The following TTC7A variants were observed in gnomAD, a reference collection of about 807,000 sequenced individuals.
TTC7A encodes tetratricopeptide repeat domain 7A, also known as tetratricopeptide repeat protein 7A.
TTC7A carries 110 observed loss-of-function variants against 103.7 expected under a neutral mutation model. The observed-to-expected ratio is 1.06, with a 90% CI of 0.91 to 1.24. The LOEUF is 1.24. Among genes scored for constraint, TTC7A ranks in the 50% most tolerant of loss-of-function variants. TTC7A has a pLI of 0.00. For missense variants in TTC7A, 1,340 were observed against 1,116.3 expected, an observed-to-expected ratio of 1.20 and a Z score of -2.86; for synonymous variants, 521 against 467.9, an observed-to-expected ratio of 1.11 and a Z score of -1.47.
At chr2:47,039,891 G>C (rs1452355846) in intron 15 of TTC7A, among the ~76,000 whole-genome samples, 1 of 152,232 alleles carries the variant, frequency 6.6e-6, no homozygotes, top group African/African-American at 2.4e-5. Flanking sequence ...CAACCTCACT[G>C]GTCTCTAACT....
chr2:46,938,689 C>T (rs779760690), upstream of TTC7A, among the ~76,000 whole-genome samples: 1 of 152,114 alleles, frequency 6.6e-6, no homozygotes, highest in Non-Finnish European at 1.5e-5. Context: ...TCTATGGGCC[C>T]TGTGTGGTGG....
At chr2:46,947,584 G>T (rs1671045850) in intron 1 of TTC7A, among the ~76,000 whole-genome samples, 1 of 152,128 alleles carries the variant, frequency 6.6e-6, no homozygotes, top group Non-Finnish European at 1.5e-5. Context: ...GGGTGTGGTG[G>T]TGCGTGCCTG....
rs760933741 is a variant in TTC7A at position 46,945,779 on chromosome 2, C to T, written c.184+4054C>T. Among the ~76,000 whole-genome samples the T allele has an allele frequency of 4.1e-4, 63 of 152,044 alleles. 1 individual carries two copies. The highest frequency in any genetic ancestry group is 8.5e-4 in the Admixed American group (13 of 15,254). ...AGACTGGAGATTGTTTTGAACATTT[C>T]TTCCGTTTCAGTTAGAAGGGGTTTG... is the stretch of plus-strand genomic sequence containing the variant. On this transcript the variant is annotated intron_variant, in intron 1 of 19. Transcript: ENST00000319190.
At chr2:47,039,611 AAG>A (rs1310537497) in intron 15 of TTC7A, among the ~76,000 whole-genome samples, 4 of 152,216 alleles carry the variant, frequency 2.6e-5, no homozygotes, top group Admixed American at 2.0e-4. Flanking sequence ...GTCTCACCCT[AAG>A]AGCTCTTTAT....
At chr2:46,983,438 T>TC (rs1674680226) in intron 5 of TTC7A, among the ~76,000 whole-genome samples, 2 of 152,162 alleles carry the variant, frequency 1.3e-5, no homozygotes, top group Non-Finnish European at 2.9e-5. Flanking sequence ...AGATCACCAC[T>TC]CCCCCACGGC....
At chr2:47,002,996 C>A (rs943907620) in intron 8 of TTC7A, among the ~76,000 whole-genome samples, 1 of 152,158 alleles carries the variant, frequency 6.6e-6, no homozygotes, top group African/African-American at 2.4e-5. Flanking sequence ...GCTGCTGCTG[C>A]CGCTGCTGCT....
chr2:46,923,091 G>A (rs1466298658), intron 2 of TTC7A, among the ~76,000 whole-genome samples: 1 of 152,210 alleles, frequency 6.6e-6, no homozygotes, highest in African/African-American at 2.4e-5. Context: ...CCATGGAGTT[G>A]GAGTGCACCA....
At chr2:46,983,633 G>A (rs956466935) in intron 5 of TTC7A, among the ~76,000 whole-genome samples, 6 of 152,266 alleles carry the variant, frequency 3.9e-5, no homozygotes, top group Admixed American at 1.3e-4. Flanking sequence ...ACCTGGGGCA[G>A]TTGTGCCTGT....
At chr2:46,930,850 C>A (rs186759420) in intron 2 of TTC7A, among the ~76,000 whole-genome samples, 113 of 152,156 alleles carry the variant, frequency 7.4e-4, no homozygotes, top group African/African-American at 2.6e-3. Context: ...TTAAACCTTC[C>A]CATAAATAGC....
At chr2:47,060,686 T>A in intron 18 of TTC7A, 83 bp from the exon 19 acceptor site, 1 of 1,348,450 alleles carries the variant, frequency 7.4e-7, no homozygotes, top group Non-Finnish European at 1.0e-6. Flanking sequence ...ACTAGTTCCC[T>A]GGCTCTGAGG....
intron 14 of TTC7A, 132 bp from the exon 15 acceptor site, chr2:47,029,092 C>T (rs1680226647): frequency 2.9e-6 from 3 of 1,023,834 alleles, no homozygotes; most frequent in Non-Finnish European, 4.3e-6. Flanking sequence ...TTTCTCACAG[C>T]AGCCTCCCTG....
chr2:46,970,859 G>C (rs1673291769), intron 3 of TTC7A, among the ~76,000 whole-genome samples: 1 of 152,266 alleles, frequency 6.6e-6, no homozygotes. Context: ...CAGTGTCCTG[G>C]GCACCTGGGT....
intron 16 of TTC7A, 111 bp downstream of exon 16, chr2:47,046,542 G>A (rs1682342495): frequency 3.8e-6 from 3 of 798,536 alleles, no homozygotes. Context: ...TGAGGCTTTT[G>A]AATGAGAGCG....
chr2:46,992,848 G>A (rs1449518226), intron 5 of TTC7A, among the ~76,000 whole-genome samples: 1 of 152,212 alleles, frequency 6.6e-6, no homozygotes, highest in Non-Finnish European at 1.5e-5. Flanking sequence ...GAGAAACTTC[G>A]GTTTTATGTC....
intron 1 of TTC7A, among the ~76,000 whole-genome samples, chr2:46,944,385 T>TG (rs1314813281): frequency 7.5e-5 from 11 of 147,248 alleles, no homozygotes; most frequent in African/African-American, 2.5e-4. Context: ...TTTTTTTTTT[T>TG]TTTTTTTTTT....
chr2:47,049,851 C>A, intron 16 of TTC7A, 98 bp from the exon 17 acceptor site: 2 of 893,762 alleles, frequency 2.2e-6, no homozygotes, highest in South Asian at 1.5e-5. Context: ...CTGTCCCATT[C>A]TCCCTGCCAG....
Position 47,060,989 on chromosome 2 carries a change from G to T in TTC7A, c.2355+18G>T, listed in dbSNP as rs368213061. 4 of 1,574,346 alleles carry T rather than the reference G, an allele frequency of 2.5e-6. No individual in the cohort carries two copies. The highest frequency in any genetic ancestry group is 2.6e-6 in the Non-Finnish European group (3 of 1,157,578). On this transcript the variant is annotated intron_variant, in intron 19 of 19. Coordinates refer to ENST00000319190, the MANE Select transcript of TTC7A (RefSeq NM_020458.4). ...ATAGCCTGGTGAGTCAGAGCCCCCC[G>T]CGCTCCCACCACCTCCTCCCACAGC...
At chr2:47,030,007 G>A (rs904928985) in intron 15 of TTC7A, among the ~76,000 whole-genome samples, 6 of 149,450 alleles carry the variant, frequency 4.0e-5, no homozygotes, top group Non-Finnish European at 8.9e-5. Context: ...GTGAGAGGAT[G>A]TGTTGCTCTG....
chr2:47,044,735 A>G (rs1682126601), intron 15 of TTC7A, among the ~76,000 whole-genome samples: 1 of 152,202 alleles, frequency 6.6e-6, no homozygotes, highest in African/African-American at 2.4e-5. Flanking sequence ...TGCAGTGAGG[A>G]AGAAAAATAC....
Sources: gnomAD v4.1 joint callset for allele counts (sites outside exome capture counted in the v4.1 genomes callset) on GRCh38, gnomAD v4.1.1 for gene constraint, MANE v1.5 for transcripts, NCBI Gene and HGNC (gene_info 2026-07-23, HGNC 2026-07-21) for gene names.